TENM4: variants seen among roughly 807,000 people sequenced by gnomAD.
The protein encoded by TENM4 is teneurin-4.
Under a neutral mutation model 243.3 loss-of-function variants are expected in TENM4, and 82 were observed. The observed-to-expected ratio is 0.34, with a 90% CI of 0.28 to 0.40. The LOEUF is 0.40. Ranked by LOEUF, TENM4 falls within the 10% of genes least tolerant of loss-of-function variation. TENM4 has a pLI of 1.00. For synonymous variants in TENM4, 1,412 were observed against 1,456.3 expected (o/e 0.97, Z 0.69); for missense variants, 3,138 against 3,673.3 (o/e 0.85, Z 3.77).
chr11:79,120,345 CAA>C (rs1861716096), intron 4 of TENM4, among the ~76,000 whole-genome samples: 2 of 152,192 alleles, frequency 1.3e-5, no homozygotes, highest in Admixed American at 1.3e-4. Flanking sequence ...GAAATTAAAT[CAA>C]GAGGCAAATG....
intron 7 of TENM4, among the ~76,000 whole-genome samples, chr11:78,900,075 C>T (rs1233283505): frequency 6.6e-6 from 1 of 152,180 alleles, no homozygotes; most frequent in African/African-American, 2.4e-5. Context: ...CAGCTGAATA[C>T]TACCAGTGGA....
At chr11:78,927,971 C>A (rs1856586606) in intron 6 of TENM4, among the ~76,000 whole-genome samples, 1 of 152,110 alleles carries the variant, frequency 6.6e-6, no homozygotes, top group Non-Finnish European at 1.5e-5. Flanking sequence ...CTAAGTCTGT[C>A]CTGCTGGGAT....
rs762034170 is a variant in TENM4 at position 78,738,525 on chromosome 11, G to A, written c.2802C>T (p.Thr934=). 6.1e-5 allele frequency: 98 copies of A among 1,613,704 alleles called. No individual in the cohort carries two copies. Among genetic ancestry groups the A allele is most frequent in the Non-Finnish European group, 8.2e-5 (97 of 1,179,818 alleles). The change falls in exon 20 of 34, where the codon ACC becomes ACT. Residue 934 remains threonine, a synonymous_variant. Coordinates refer to ENST00000278550, the MANE Select transcript of TENM4 (RefSeq NM_001098816.3). ...IRGQVMTSDG[T]PLVGVNISFV... ...AACTGATGTTCACACCAACCAGGGG[G>A]GTTCCATCTGATGTCATCACTTGGC...
chr11:79,313,991 A>AC (rs1342209581), intron 1 of TENM4, among the ~76,000 whole-genome samples: 19 of 152,060 alleles, frequency 1.2e-4, no homozygotes, highest in Non-Finnish European at 4.4e-5. Context: ...TTTCTTCTAA[A>AC]CCCGTCATTC....
chr11:79,245,938 TAA>T (rs1199883938), intron 2 of TENM4, among the ~76,000 whole-genome samples: 13,440 of 64,434 alleles, frequency 0.21, 641 homozygotes, highest in African/African-American at 0.32. Flanking sequence ...AGACTTTGTC[TAA>T]AAAAAAAAAA....
intron 4 of TENM4, among the ~76,000 whole-genome samples, chr11:79,142,160 G>A (rs1862298612): frequency 6.6e-6 from 1 of 152,006 alleles, no homozygotes; most frequent in Non-Finnish European, 1.5e-5. Context: ...GAAATAAAGG[G>A]CATCCAAATT....
chr11:79,050,264 T>C (rs1432287671), intron 6 of TENM4, among the ~76,000 whole-genome samples: 1 of 152,226 alleles, frequency 6.6e-6, no homozygotes, highest in South Asian at 2.1e-4. Context: ...AGTGACACGA[T>C]CTTTTTTCAA....
At chr11:78,911,644 G>T (rs1338179914) in intron 6 of TENM4, among the ~76,000 whole-genome samples, 1 of 152,164 alleles carries the variant, frequency 6.6e-6, no homozygotes, top group Non-Finnish European at 1.5e-5. Context: ...CATCAGGGTG[G>T]GGCCCCAGTA....
chr11:79,204,397 T>C (rs993279896), intron 3 of TENM4, among the ~76,000 whole-genome samples: 2 of 152,230 alleles, frequency 1.3e-5, no homozygotes, highest in African/African-American at 4.8e-5. Flanking sequence ...TTTTTATTCA[T>C]TCAACAAATC....
chr11:78,867,822 C>CTG (rs1044379113), intron 9 of TENM4, among the ~76,000 whole-genome samples: 2 of 152,016 alleles, frequency 1.3e-5, no homozygotes, highest in East Asian at 3.8e-4. Flanking sequence ...TACTGGAGAC[C>CTG]ACAGAGCTGG....
chr11:79,318,177 C>T (rs545238720), intron 1 of TENM4, among the ~76,000 whole-genome samples: 1 of 152,248 alleles, frequency 6.6e-6, no homozygotes, highest in East Asian at 1.9e-4. Context: ...ACAGTCAATA[C>T]AAATACAGCA....
rs181263288 is a variant in TENM4 at position 79,308,146 on chromosome 11, A to G, written c.-320-10603T>C. ...ATGAGGAGCCACGGGCCTAATCCTC[A>G]AGGAGTCTGGAGTCCCAGGAGTTTG... On this transcript the variant is annotated intron_variant, in intron 1 of 33. Coordinates refer to ENST00000278550, the MANE Select transcript of TENM4 (RefSeq NM_001098816.3). 5.3e-4 allele frequency among the ~76,000 whole-genome samples: 81 copies of G among 152,370 alleles called. No individual in the cohort carries two copies. The East Asian group carries it at 0.013, about 25-fold the overall frequency.
At chr11:79,415,873 T>C (rs1206912518) in intron 1 of TENM4, among the ~76,000 whole-genome samples, 1 of 150,132 alleles carries the variant, frequency 6.7e-6, no homozygotes, top group Non-Finnish European at 1.5e-5. Flanking sequence ...AATTTCCCCA[T>C]CCCCCTTGAT....
chr11:78,806,967 G>A (rs1056120528), intron 14 of TENM4, among the ~76,000 whole-genome samples: 2 of 152,136 alleles, frequency 1.3e-5, no homozygotes, highest in African/African-American at 4.8e-5. Context: ...TTTTTGTGAT[G>A]GCTTATTTCA....
At chr11:78,663,712 T>C (rs1280163486) in intron 32 of TENM4, among the ~76,000 whole-genome samples, 1 of 152,154 alleles carries the variant, frequency 6.6e-6, no homozygotes, top group African/African-American at 2.4e-5. Context: ...AAATTACCCA[T>C]GCTCAGGTAT....
intron 2 of TENM4, among the ~76,000 whole-genome samples, chr11:79,265,042 TG>T (rs765641149): frequency 5.9e-5 from 9 of 152,158 alleles, no homozygotes; most frequent in Non-Finnish European, 1.2e-4. Flanking sequence ...AACACCTGCC[TG>T]GGTAGAATGT....
chr11:78,962,638 T>C (rs1857354533), intron 6 of TENM4, among the ~76,000 whole-genome samples: 1 of 152,158 alleles, frequency 6.6e-6, no homozygotes, highest in South Asian at 2.1e-4. Flanking sequence ...CTTTAAGACA[T>C]ACCTGAAAAC....
chr11:78,891,599 CAT>C (rs1380034358), intron 7 of TENM4, among the ~76,000 whole-genome samples: 3 of 152,192 alleles, frequency 2.0e-5, no homozygotes, highest in Admixed American at 1.3e-4. Flanking sequence ...AGAGGACTGA[CAT>C]GTGTCCGGGA....
chr11:79,366,845 G>A (rs1857686755), intron 1 of TENM4, among the ~76,000 whole-genome samples: 1 of 152,136 alleles, frequency 6.6e-6, no homozygotes, highest in Non-Finnish European at 1.5e-5. Context: ...ATGAATGAAT[G>A]AGTGATACAA....
Sources: allele counts gnomAD v4.1 joint callset (sites outside exome capture counted in the v4.1 genomes callset), GRCh38; gene constraint gnomAD v4.1.1; transcripts MANE v1.5; gene names NCBI Gene and HGNC (gene_info 2026-07-23, HGNC 2026-07-21).